The following ABCA13 variants were observed in gnomAD, a reference collection of about 807,000 sequenced individuals.
ABCA13 encodes the protein ATP binding cassette subfamily A member 13.
A neutral mutation model predicts 478.7 loss-of-function variants in ABCA13; 476 were observed. That is an observed-to-expected ratio of 0.99 (90% CI 0.92 to 1.07). ABCA13 has a LOEUF of 1.07. ABCA13 is among the 50% of genes least tolerant of loss of function. The pLI is 0.00. For missense variants in ABCA13, 6,060 were observed against 5,910.6 expected, an observed-to-expected ratio of 1.03 and a Z score of -0.83; for synonymous variants, 2,252 against 2,158.9, an observed-to-expected ratio of 1.04 and a Z score of -1.20.
intron 23 of ABCA13, among the ~76,000 whole-genome samples, chr7:48,299,709 A>G (rs557486233): frequency 3.4e-4 from 51 of 152,228 alleles, no homozygotes; most frequent in African/African-American, 1.2e-3. Context: ...GTTTTATGAT[A>G]CTTTTTGGGT....
chr7:48,491,435 A>G (rs1829833362), intron 48 of ABCA13, among the ~76,000 whole-genome samples: 1 of 152,162 alleles, frequency 6.6e-6, no homozygotes, highest in East Asian at 1.9e-4. Flanking sequence ...AGAATTTCAC[A>G]TGGATGGGCA....
rs188822294 is a variant in ABCA13 at position 48,292,608 on chromosome 7, C to G, written c.8956-3092C>G. 1.1e-4 allele frequency among the ~76,000 whole-genome samples: 17 copies of G among 152,356 alleles called. No homozygotes were observed. In the East Asian group the frequency reaches 3.1e-3, roughly 28 times the overall value. The stretch of plus-strand genomic sequence containing the variant: ...CTCTCCTTCTGCCCTCCCCGGCACT[C>G]TCTTCTCCACCTCGCTGGCTCCTTT... On this transcript the variant is annotated intron_variant, in intron 20 of 61. Transcript: ENST00000435803.
intron 55 of ABCA13, among the ~76,000 whole-genome samples, chr7:48,561,266 A>G (rs1280211683): frequency 1.3e-5 from 2 of 152,158 alleles, no homozygotes; most frequent in Non-Finnish European, 2.9e-5. Context: ...ACCCAGAATC[A>G]GAATTGCTGG....
intron 29 of ABCA13, among the ~76,000 whole-genome samples, chr7:48,346,576 A>G: frequency 6.6e-6 from 1 of 151,740 alleles, no homozygotes; most frequent in Non-Finnish European, 1.5e-5. Context: ...TGTTATGCTT[A>G]CTTTCATGCA....
chr7:48,407,942 A>G (rs550195751), intron 39 of ABCA13, among the ~76,000 whole-genome samples: 2 of 152,338 alleles, frequency 1.3e-5, no homozygotes, highest in South Asian at 2.1e-4. Context: ...CCCATTTTAC[A>G]TAGGGATTTT....
chr7:48,320,711 A>G (rs1803324231), intron 27 of ABCA13, among the ~76,000 whole-genome samples: 1 of 152,234 alleles, frequency 6.6e-6, no homozygotes, highest in Non-Finnish European at 1.5e-5. Context: ...GCCTGAAATG[A>G]TACTTCAGTG....
chr7:48,615,254 G>C (rs1792451867), intron 58 of ABCA13, 31 bp from the exon 59 acceptor site: 2 of 1,296,848 alleles, frequency 1.5e-6, no homozygotes, highest in African/African-American at 1.5e-5. Flanking sequence ...TCAGGAAATG[G>C]CTCATTTTTG....
At chr7:48,443,752 G>C (rs976076210) in intron 42 of ABCA13, among the ~76,000 whole-genome samples, 1 of 152,008 alleles carries the variant, frequency 6.6e-6, no homozygotes, top group Admixed American at 6.6e-5. Flanking sequence ...CCCTCTCCTC[G>C]TGCCTCCGGT....
rs1812740067 is a variant in ABCA13, at chr7:48,372,176, G to GA, written c.10813dup (p.Met3605AsnfsTer72). ...TTTTCTCTTTTTGGTAGTATATGCG[G>GA]ATGATGGGAGTGCATCCAGTGATCC... On this transcript the variant is annotated frameshift_variant, in exon 33 of 62. Coordinates refer to ENST00000435803, the MANE Select transcript of ABCA13 (RefSeq NM_152701.5). LOFTEE classifies it high-confidence loss of function. 1 of 1,612,536 alleles carries GA rather than the reference G, an allele frequency of 6.2e-7. No homozygotes were observed. Among genetic ancestry groups the GA allele is most frequent in the Admixed American group, 1.7e-5 (1 of 59,874 alleles).
intron 29 of ABCA13, among the ~76,000 whole-genome samples, chr7:48,348,566 C>A (rs2128975908): frequency 6.6e-6 from 1 of 152,290 alleles, no homozygotes; most frequent in East Asian, 1.9e-4. Context: ...TTAACTTAAC[C>A]AGGCCCTTCA....
intron 15 of ABCA13, among the ~76,000 whole-genome samples, chr7:48,262,428 T>A (rs1267322610): frequency 1.3e-5 from 2 of 152,044 alleles, no homozygotes; most frequent in East Asian, 3.9e-4. Flanking sequence ...CATGAGACTT[T>A]GGGGGATTCT....
At chr7:48,577,238 A>T (rs1788270298) in intron 55 of ABCA13, among the ~76,000 whole-genome samples, 1 of 150,740 alleles carries the variant, frequency 6.6e-6, no homozygotes, top group African/African-American at 2.5e-5. Flanking sequence ...TTAGTGGAGA[A>T]ATCAATAAAA....
chr7:48,211,996 C>T (rs991879318), intron 3 of ABCA13, among the ~76,000 whole-genome samples: 1 of 152,046 alleles, frequency 6.6e-6, no homozygotes, highest in African/African-American at 2.4e-5. Context: ...GCCTTCAAAA[C>T]CAGCAGAACA....
chr7:48,555,954 T>G (rs1025412357), intron 55 of ABCA13, among the ~76,000 whole-genome samples: 1 of 151,778 alleles, frequency 6.6e-6, no homozygotes, highest in Non-Finnish European at 1.5e-5. Flanking sequence ...AGCTATAAAT[T>G]TTCTTCTTGG....
In ABCA13 at chr7:48,647,198, A is replaced by G. The variant is rs1450104844; in HGVS notation, c.*1686A>G. On this transcript the variant is annotated 3_prime_UTR_variant, in exon 62 of 62. Coordinates refer to ENST00000435803, the MANE Select transcript of ABCA13 (RefSeq NM_152701.5). Reference sequence around the variant, plus strand: ...CTTTACTAAAGCAAGATTTCATTAAATCTCTATTTCCTAAATATCATTCTA... The same window carrying G: ...CTTTACTAAAGCAAGATTTCATTAAGTCTCTATTTCCTAAATATCATTCTA... 1 of 152,224 alleles carries G rather than the reference A, an allele frequency of 6.6e-6. No homozygotes were observed. The highest frequency in any genetic ancestry group is 1.5e-5 in the Non-Finnish European group (1 of 68,044). 9.4% of individuals were successfully genotyped at this position (152,224 alleles called of 1,614,324 possible).
At position 48,392,215 on chromosome 7, in the gene ABCA13, A is replaced by T. The variant is rs1816181792; in HGVS notation, c.11873+76A>T. The T allele has an allele frequency of 2.2e-6, 3 of 1,380,262 alleles. No homozygotes were observed. In the Admixed American group the frequency reaches 5.5e-5, roughly 25 times the overall value. 85.5% of individuals were successfully genotyped at this position (1,380,262 alleles called of 1,614,324 possible). A position where few individuals can be genotyped will look rare whatever the true frequency, so the allele number is the denominator to read the frequency against. ...GGAAGTGAAGACAATAGAAAGAGAC[A>T]CTTAAAAAATCATCTGTGTCTACAT... is the stretch of plus-strand genomic sequence containing the variant. On this transcript the variant is annotated intron_variant, in intron 38 of 61. Coordinates refer to ENST00000435803, the MANE Select transcript of ABCA13 (RefSeq NM_152701.5).
At chr7:48,315,237 A>G (rs1802397864) in intron 26 of ABCA13, among the ~76,000 whole-genome samples, 1 of 152,214 alleles carries the variant, frequency 6.6e-6, no homozygotes, top group Admixed American at 6.5e-5. Context: ...TCTATGCTGC[A>G]TGACAATCAT....
At chr7:48,388,432 A>T (rs185912751) in intron 36 of ABCA13, among the ~76,000 whole-genome samples, 20 of 152,254 alleles carry the variant, frequency 1.3e-4, no homozygotes, top group African/African-American at 4.3e-4. Flanking sequence ...TTCTCAGGAG[A>T]TAGGGGCAGG....
chr7:48,592,693 A>G (rs1302198125), intron 57 of ABCA13, among the ~76,000 whole-genome samples: 1 of 151,836 alleles, frequency 6.6e-6, no homozygotes, highest in Non-Finnish European at 1.5e-5. Context: ...CCCTATTATT[A>G]TTGTACTTAT....
Sources: allele counts gnomAD v4.1 joint callset (sites outside exome capture counted in the v4.1 genomes callset), GRCh38; gene constraint gnomAD v4.1.1; transcripts MANE v1.5; gene names NCBI Gene and HGNC (gene_info 2026-07-23, HGNC 2026-07-21).